Variants in PWWP2A observed in about 807,000 individuals in gnomAD.
The protein encoded by PWWP2A is PWWP domain containing 2A.
Under a neutral mutation model 48.5 loss-of-function variants are expected in PWWP2A, and 18 were observed. The ratio of observed to expected loss-of-function variants is 0.37; its 90% CI spans 0.26 to 0.55. PWWP2A has a LOEUF of 0.55. PWWP2A is among the 20% of genes least tolerant of loss of function. The pLI, the probability that PWWP2A is intolerant of heterozygous loss-of-function variation, is 0.81. For synonymous variants in PWWP2A, 396 were observed against 387.7 expected (o/e 1.02, Z -0.25); for missense variants, 867 against 976.4 (o/e 0.89, Z 1.49).
chr5:160,082,480 CCCTCTA>C (rs2113477128), intron 2 of PWWP2A, among the ~76,000 whole-genome samples: 1 of 152,244 alleles, frequency 6.6e-6, no homozygotes, highest in South Asian at 2.1e-4. Flanking sequence ...TTGAACCTCT[CCCTCTA>C]CAAGTAAAAC....
At chr5:160,085,381 A>G (rs886495521) in intron 2 of PWWP2A, among the ~76,000 whole-genome samples, 1 of 152,174 alleles carries the variant, frequency 6.6e-6, no homozygotes, top group African/African-American at 2.4e-5. Context: ...TTCAGCTATG[A>G]AGTATTTGGC....
At chr5:160,064,341 T>C (rs1358246567) in intron 4 of PWWP2A, among the ~76,000 whole-genome samples, 2 of 152,194 alleles carry the variant, frequency 1.3e-5, no homozygotes, top group African/African-American at 2.4e-5. Flanking sequence ...TGAGGTCTTA[T>C]TGAGGTTGCT....
At chr5:160,096,957 A>T (rs1755715688) in intron 1 of PWWP2A, among the ~76,000 whole-genome samples, 1 of 152,226 alleles carries the variant, frequency 6.6e-6, no homozygotes, top group African/African-American at 2.4e-5. Flanking sequence ...AAAGATCAAT[A>T]GGTGAATACG....
downstream of PWWP2A, among the ~76,000 whole-genome samples, chr5:160,060,600 A>G (rs1017954719): frequency 6.6e-6 from 1 of 152,206 alleles, no homozygotes; most frequent in African/African-American, 2.4e-5. Context: ...CAGCCAGTGG[A>G]AAGTGTGGCA....
In PWWP2A at chr5:160,118,862, A is replaced by G; in HGVS notation, c.527T>C (p.Val176Ala). 1 of 1,592,742 alleles carries G rather than the reference A, an allele frequency of 6.3e-7. No individual in the cohort carries two copies. Among genetic ancestry groups the G allele is most frequent in the Non-Finnish European group, 8.5e-7 (1 of 1,171,140 alleles). Residue 176 changes from valine to alanine, a missense_variant, in exon 1 of 2, where the codon GTG (valine) becomes GCG (alanine). Physicochemically the swap from Val to Ala is moderately conservative, Grantham distance 64 (BLOSUM62 0). Transcript: ENST00000307063. Reference protein sequence around the residue: ...LDHIIEDALVVSFRFGEKLFS... With the variant: ...LDHIIEDALVASFRFGEKLFS... ...GAGCTTCTCCCCGAAGCGGAACGAC[A>G]CGACAAGCGCGTCCTCAATGATGTG...
At position 160,093,127 on chromosome 5, in the gene PWWP2A, G is replaced by C; in HGVS notation, c.1523C>G (p.Ser508Cys). The C allele has an allele frequency of 1.2e-6, 2 of 1,613,970 alleles. No individual in the cohort carries two copies. Among genetic ancestry groups the C allele is most frequent in the South Asian group, 2.2e-5 (2 of 91,078 alleles). ...RSGKMAPKPQSRCTSTRSAGE... is the reference protein window; with the variant it reads ...RSGKMAPKPQCRCTSTRSAGE... The stretch of plus-strand genomic sequence containing the variant: ...TGCTGAGCGGGTAGAGGTGCAGCGA[G>C]ACTGGGGCTTGGGTGCCATCTTGCC... Residue 508 changes from serine to cysteine, a missense_variant, in exon 2 of 2, where the codon TCT becomes TGT. Around this residue, in one of 4 missense-constraint regions of PWWP2A, gnomAD observed 382 missense variants for 407.2 expected, o/e 0.94. Transcript: ENST00000307063. This position sits in a 1 kb window ranked among gnomAD's most constrained non-coding sequence, Gnocchi z 5.8.
At chr5:160,051,091 T>G in the PWWP2A span, 1 of 1,544,648 alleles carries the variant, frequency 6.5e-7, no homozygotes, top group Non-Finnish European at 8.7e-7. Flanking sequence ...GGTTTTTTTT[T>G]TTTTTTTACC....
At chr5:160,089,931 C>T (rs1488276932), downstream of PWWP2A, 1 of 985,146 alleles carries the variant, frequency 1.0e-6, no homozygotes, top group Non-Finnish European at 1.2e-6. Context: ...ACAAATTTAT[C>T]TAAGACATTT....
chr5:160,099,678 A>T (rs541639341), intron 1 of PWWP2A, among the ~76,000 whole-genome samples: 30 of 140,412 alleles, frequency 2.1e-4, no homozygotes, highest in Middle Eastern at 3.6e-3. Flanking sequence ...CAAAAAAAAA[A>T]TTTTTTTTTT....
chr5:160,082,336 C>T (rs916271684), intron 2 of PWWP2A, among the ~76,000 whole-genome samples: 29 of 150,952 alleles, frequency 1.9e-4, no homozygotes, highest in African/African-American at 6.3e-4. Context: ...CCCAGCTACT[C>T]GGGAGGCTGA....
chr5:160,117,169 A>C (rs1205222719), intron 1 of PWWP2A, among the ~76,000 whole-genome samples: 2 of 152,196 alleles, frequency 1.3e-5, no homozygotes, highest in African/African-American at 2.4e-5. Context: ...TTATGAAAAC[A>C]GGAGTGCAGG....
downstream of PWWP2A, chr5:160,091,264 TA>T: frequency 2.4e-5 from 23 of 976,184 alleles, no homozygotes; most frequent in Non-Finnish European, 2.8e-5. Context: ...TCATCTCTTC[TA>T]AACACTCTTA....
downstream of PWWP2A, chr5:160,090,035 A>T: frequency 4.1e-6 from 4 of 985,444 alleles, no homozygotes; most frequent in Non-Finnish European, 4.8e-6. Context: ...TCCCTACTGA[A>T]ACTGCAAATG....
At chr5:160,072,397 G>A (rs147413158), downstream of PWWP2A, among the ~76,000 whole-genome samples, 23 of 152,144 alleles carry the variant, frequency 1.5e-4, no homozygotes, top group African/African-American at 3.9e-4. Flanking sequence ...TGAAAATAAC[G>A]TTAGCGCATG....
rs1390115911 is a variant in PWWP2A, at chr5:160,091,572, A to T, written c.*810T>A. On this transcript the variant is annotated 3_prime_UTR_variant, in exon 2 of 2. Transcript: ENST00000307063. ...CTGGGACATATCCTAAGAATTTAGG[A>T]ACAGCCAGTCAGGAGAAATCTGACC... is the stretch of plus-strand genomic sequence containing the variant. 2 of 982,078 alleles carry T rather than the reference A, an allele frequency of 2.0e-6. No individual in the cohort carries two copies. The highest frequency in any genetic ancestry group is 3.5e-5 in the African/African-American group (2 of 56,406). 60.8% of individuals were successfully genotyped at this position (982,078 alleles called of 1,614,324 possible).
chr5:160,091,244 G>T (rs925109864), downstream of PWWP2A: 6 of 975,568 alleles, frequency 6.2e-6, no homozygotes, highest in African/African-American at 1.1e-4. Context: ...CAAAATAAAA[G>T]TTTGATTTTT....
chr5:160,091,376 G>GA lies in PWWP2A; in HGVS notation c.*1005_*1006insT. 1.1e-6 allele frequency: 1 copy of GA among 880,430 alleles called. No individual in the cohort carries two copies. Among genetic ancestry groups the GA allele is most frequent in the Non-Finnish European group, 1.3e-6 (1 of 749,374 alleles). The allele number at this position is 880,430 out of a possible 1,614,324, so 54.5% of individuals were successfully genotyped here. On this transcript the variant is annotated 3_prime_UTR_variant, in exon 2 of 2. Coordinates refer to ENST00000307063, the MANE Select transcript of PWWP2A (RefSeq NM_001130864.2). ...TGATTTTATTTACAGCTTTTTTTTG[G>GA]TTTTTTTTTTTTTTTTTACATTTCA...
chr5:160,073,229 C>CT (rs749893279), downstream of PWWP2A, among the ~76,000 whole-genome samples: 321 of 37,164 alleles, frequency 8.6e-3, 1 homozygote, highest in African/African-American at 0.02. Context: ...AAAAACATTT[C>CT]TTTTTTTTTT....
intron 2 of PWWP2A, among the ~76,000 whole-genome samples, chr5:160,083,276 T>TG (rs935348424): frequency 3.3e-5 from 5 of 152,108 alleles, no homozygotes; most frequent in Non-Finnish European, 7.4e-5. Context: ...ACTAAACTGT[T>TG]GGGGGAGATG....
Sources: gnomAD v4.1 joint callset for allele counts (sites outside exome capture counted in the v4.1 genomes callset) on GRCh38, gnomAD v4.1.1 for gene constraint, gnomAD v4.1.1 regional missense constraint, Gnocchi (gnomAD v3.1) non-coding constraint, MANE v1.5 for transcripts, NCBI Gene and HGNC (gene_info 2026-07-23, HGNC 2026-07-21) for gene names.